GABRB3: variants seen among roughly 807,000 people sequenced by gnomAD.
GABRB3 encodes gamma-aminobutyric acid type A receptor subunit beta3, also known as gamma-aminobutyric acid receptor subunit beta-3.
In GABRB3, 14 loss-of-function variants were observed where a neutral mutation model predicts 52.1. The observed-to-expected ratio is 0.27, with a 90% CI of 0.18 to 0.42. The LOEUF (loss-of-function observed/expected upper bound fraction) is 0.42, where lower values mean the gene tolerates loss of function less well. Ranked by LOEUF, GABRB3 falls within the 10% of genes least tolerant of loss-of-function variation. GABRB3 has a pLI of 1.00. For missense variants in GABRB3, 307 were observed against 609.1 expected, an observed-to-expected ratio of 0.50 and a Z score of 5.22; for synonymous variants, 260 against 232.3, an observed-to-expected ratio of 1.12 and a Z score of -1.08.
rs1203247897 is a variant in GABRB3 at position 26,665,307 on chromosome 15, G to A, written c.241-43773C>T. Among the ~76,000 whole-genome samples the A allele has an allele frequency of 3.3e-5, 5 of 152,110 alleles. No homozygotes were observed. In the South Asian group the frequency reaches 6.2e-4, roughly 19 times the overall value. Reference sequence around the variant, plus strand: ...TCTCTCCACGAGTTCAATTTCGGGGGAAGAAATCTTCAAGATCATAGAATT... The same window carrying A: ...TCTCTCCACGAGTTCAATTTCGGGGAAAGAAATCTTCAAGATCATAGAATT... On this transcript the variant is annotated intron_variant, in intron 3 of 8. Coordinates refer to ENST00000311550, the MANE Select transcript of GABRB3 (RefSeq NM_000814.6).
At chr15:26,624,976 C>T (rs1463140652) in intron 3 of GABRB3, 2 of 985,086 alleles carry the variant, frequency 2.0e-6, no homozygotes, top group Admixed American at 6.1e-5. Context: ...CTACCTAGAA[C>T]CTCATTTAAC....
chr15:26,605,694 T>C (rs1338777071), intron 4 of GABRB3, among the ~76,000 whole-genome samples: 2 of 152,186 alleles, frequency 1.3e-5, no homozygotes, highest in Non-Finnish European at 2.9e-5. Context: ...CATCACATGT[T>C]CTCACTTATT....
At chr15:26,591,311 C>T (rs747590122) in intron 4 of GABRB3, among the ~76,000 whole-genome samples, 8 of 152,192 alleles carry the variant, frequency 5.3e-5, no homozygotes, top group African/African-American at 9.6e-5. Context: ...CTTATCGCTA[C>T]GTAGGGATCA....
chr15:26,747,952 C>CT (rs57157481), intron 3 of GABRB3, among the ~76,000 whole-genome samples: 44 of 87,430 alleles, frequency 5.0e-4, no homozygotes, highest in African/African-American at 1.6e-3. Context: ...TTTTCAAATG[C>CT]TTTTTTTTTT....
rs747835667 is a variant in GABRB3, at chr15:26,545,764, G to A, written c.*2029C>T. ...TTGTTACCCATGGAAAAAATGGTCAGAGAAAAGCCAAAGCCAAAGAAATCC... is the reference window on the plus strand; with the variant it reads ...TTGTTACCCATGGAAAAAATGGTCAAAGAAAAGCCAAAGCCAAAGAAATCC... On this transcript the variant is annotated 3_prime_UTR_variant, in exon 9 of 9. Transcript: ENST00000311550. 10 of 152,142 alleles carry A rather than the reference G, an allele frequency of 6.6e-5. No homozygotes were observed. Among genetic ancestry groups the A allele is most frequent in the Non-Finnish European group, 1.2e-4 (8 of 68,016 alleles). The allele number at this position is 152,142 out of a possible 1,614,324, so 9.4% of individuals were successfully genotyped here.
intron 3 of GABRB3, among the ~76,000 whole-genome samples, chr15:26,705,826 AG>A (rs1323369356): frequency 6.6e-6 from 1 of 152,152 alleles, no homozygotes; most frequent in Non-Finnish European, 1.5e-5. Context: ...AGTTCACCAT[AG>A]GGTATCATTT....
chr15:26,738,272 G>A (rs559109066), intron 3 of GABRB3, among the ~76,000 whole-genome samples: 17 of 152,026 alleles, frequency 1.1e-4, no homozygotes, highest in African/African-American at 3.4e-4. Flanking sequence ...TAGTAGAGAC[G>A]GGGTTTCACA....
intron 4 of GABRB3, among the ~76,000 whole-genome samples, chr15:26,608,868 TCATTATGGAAAA>T (rs1477081471): frequency 2.5e-4 from 38 of 152,212 alleles, no homozygotes; most frequent in Admixed American, 2.3e-3. Context: ...ATTAGTGCAG[TCATTATGGAAAA>T]CATTATGGAA....
chr15:26,663,261 T>G (rs1887605475), intron 3 of GABRB3, among the ~76,000 whole-genome samples: 1 of 152,324 alleles, frequency 6.6e-6, no homozygotes, highest in Non-Finnish European at 1.5e-5. Context: ...CTTTTCAATT[T>G]TGTTATTTTT....
chr15:26,563,061 G>A (rs142866419), intron 7 of GABRB3, among the ~76,000 whole-genome samples: 23 of 152,316 alleles, frequency 1.5e-4, no homozygotes, highest in African/African-American at 5.3e-4. Context: ...CAAAAAGTTT[G>A]TAATGTTGTT....
At chr15:26,708,314 G>A (rs563424573) in intron 3 of GABRB3, among the ~76,000 whole-genome samples, 1 of 152,278 alleles carries the variant, frequency 6.6e-6, no homozygotes, top group South Asian at 2.1e-4. Context: ...AGTGAGAACA[G>A]ATCCACAGAT....
At chr15:26,579,845 T>C (rs1274303494) in intron 6 of GABRB3, among the ~76,000 whole-genome samples, 1 of 152,052 alleles carries the variant, frequency 6.6e-6, no homozygotes, top group Non-Finnish European at 1.5e-5. Context: ...AAGATGACCA[T>C]GTCTAATGGG....
At chr15:26,594,082 A>G (rs541567698) in intron 4 of GABRB3, among the ~76,000 whole-genome samples, 2 of 150,240 alleles carry the variant, frequency 1.3e-5, no homozygotes, top group South Asian at 4.4e-4. Flanking sequence ...ATGAAGTACT[A>G]TATCACACAC....
intron 3 of GABRB3, among the ~76,000 whole-genome samples, chr15:26,686,376 G>C (rs1034785644): frequency 6.6e-6 from 1 of 152,140 alleles, no homozygotes; most frequent in African/African-American, 2.4e-5. Flanking sequence ...AGTTTTCAGG[G>C]GGCATTCTCA....
chr15:26,719,616 A>G (rs1477026349), intron 3 of GABRB3, among the ~76,000 whole-genome samples: 1 of 152,188 alleles, frequency 6.6e-6, no homozygotes, highest in Non-Finnish European at 1.5e-5. Flanking sequence ...AAATGTCTCG[A>G]GGTGTGAACA....
chr15:26,763,919 G>C (rs1484428186), intron 3 of GABRB3, among the ~76,000 whole-genome samples: 1 of 151,646 alleles, frequency 6.6e-6, no homozygotes, highest in African/African-American at 2.4e-5. Context: ...GCCGAGGCGG[G>C]TGGATCACCT....
At chr15:26,624,590 G>C (rs754782328) in intron 3 of GABRB3, 1 of 985,516 alleles carries the variant, frequency 1.0e-6, no homozygotes, top group Admixed American at 6.1e-5. Flanking sequence ...TTTGGGTCTT[G>C]GGTGTCTGCT....
intron 3 of GABRB3, among the ~76,000 whole-genome samples, chr15:26,693,888 C>T (rs1888659269): frequency 6.6e-6 from 1 of 152,110 alleles, no homozygotes; most frequent in Non-Finnish European, 1.5e-5. Context: ...CACCAATAGG[C>T]CCATCAAGTT....
chr15:26,610,775 C>T (rs369342826), intron 4 of GABRB3, among the ~76,000 whole-genome samples: 2 of 152,104 alleles, frequency 1.3e-5, no homozygotes, highest in African/African-American at 4.8e-5. Context: ...TTCGTAAATT[C>T]GTGGGTTTGT....
Sources: gnomAD v4.1 joint callset for allele counts (sites outside exome capture counted in the v4.1 genomes callset) on GRCh38, gnomAD v4.1.1 for gene constraint, MANE v1.5 for transcripts, NCBI Gene and HGNC (gene_info 2026-07-23, HGNC 2026-07-21) for gene names.